NCOA2: variants seen among roughly 807,000 people sequenced by gnomAD.
NCOA2 encodes class E basic helix-loop-helix protein 75.
NCOA2 carries 21 observed loss-of-function variants against 145.1 expected under a neutral mutation model. That is an observed-to-expected ratio of 0.14 (90% CI 0.10 to 0.21). The LOEUF (loss-of-function observed/expected upper bound fraction) is 0.21. Among genes scored for constraint, NCOA2 ranks in the 10% least tolerant of loss-of-function variants. The probability of loss-of-function intolerance (pLI) is 1.00; values close to 1 mark genes in which losing one functional copy is unlikely to be tolerated. For missense variants in NCOA2, 1,472 were observed against 1,837.6 expected, an observed-to-expected ratio of 0.80 and a Z score of 3.64; for synonymous variants, 619 against 637.5, an observed-to-expected ratio of 0.97 and a Z score of 0.44.
At chr8:70,272,979 G>T (rs1316538025) in intron 2 of NCOA2, among the ~76,000 whole-genome samples, 1 of 152,046 alleles carries the variant, frequency 6.6e-6, no homozygotes, top group African/African-American at 2.4e-5. Context: ...ATTATACATT[G>T]TATGTAGCTA....
At chr8:70,426,881 C>T in the NCOA2 span, among the ~76,000 whole-genome samples, 2 of 152,166 alleles carry the variant, frequency 1.3e-5, no homozygotes, top group Admixed American at 6.5e-5. Context: ...TAGCCTCAAC[C>T]TTCCGGGCTC....
At chr8:70,441,106 G>C in the NCOA2 span, among the ~76,000 whole-genome samples, 1 of 101,232 alleles carries the variant, frequency 9.9e-6, no homozygotes, top group South Asian at 3.8e-4. Flanking sequence ...AGAAAGAAGA[G>C]AGAGAAAGAA....
chr8:70,149,004 CAG>C (rs1167823097), intron 11 of NCOA2, among the ~76,000 whole-genome samples: 8 of 151,200 alleles, frequency 5.3e-5, no homozygotes, highest in Non-Finnish European at 7.4e-5. Context: ...TAAAAGAACA[CAG>C]GGGTGGGGAG....
At chr8:70,394,444 C>T (rs1404108810) in intron 1 of NCOA2, among the ~76,000 whole-genome samples, 3 of 152,174 alleles carry the variant, frequency 2.0e-5, no homozygotes, top group East Asian at 1.9e-4. Context: ...CGTGAGTCAC[C>T]GCGCCTGGCC....
rs1188122973 is a variant in NCOA2, at chr8:70,296,762, CAGA to C, written c.-41_-39del. 6.6e-6 allele frequency: 1 copy of C among 152,078 alleles called. No homozygotes were observed. Among genetic ancestry groups the C allele is most frequent in the Non-Finnish European group, 1.5e-5 (1 of 68,000 alleles). The allele number at this position is 152,078 out of a possible 1,614,324, so 9.4% of individuals were successfully genotyped here. ...AACTCACCTGTGCCTGTAAACAGTG[CAGA>C]AGATCTATAAGTGTGTAGCCAAATC... On this transcript the variant is annotated 5_prime_UTR_variant, in exon 2 of 23. Transcript: ENST00000452400.
chr8:70,131,049 T>TCA (rs1295561644), intron 16 of NCOA2, among the ~76,000 whole-genome samples: 1 of 152,224 alleles, frequency 6.6e-6, no homozygotes, highest in Non-Finnish European at 1.5e-5. Flanking sequence ...CTAAATAAGC[T>TCA]CACTAAGATT....
chr8:70,283,288 C>G (rs1826015253), intron 2 of NCOA2, among the ~76,000 whole-genome samples: 1 of 152,206 alleles, frequency 6.6e-6, no homozygotes, highest in African/African-American at 2.4e-5. Context: ...TAAATTGTAT[C>G]ATTTTTTTCC....
At chr8:70,182,641 A>C (rs1815616178) in intron 4 of NCOA2, among the ~76,000 whole-genome samples, 2 of 152,224 alleles carry the variant, frequency 1.3e-5, no homozygotes, top group Non-Finnish European at 2.9e-5. Context: ...CATACATATT[A>C]CTATGTAATA....
chr8:70,281,860 C>G (rs780645905), intron 2 of NCOA2, among the ~76,000 whole-genome samples: 1 of 152,180 alleles, frequency 6.6e-6, no homozygotes, highest in African/African-American at 2.4e-5. Context: ...AGATAAGTTA[C>G]GTTACCCCAC....
the NCOA2 span, among the ~76,000 whole-genome samples, chr8:70,439,783 G>A: frequency 3.3e-5 from 5 of 152,276 alleles, no homozygotes; most frequent in East Asian, 9.7e-4. Flanking sequence ...GAGCCTTCTG[G>A]ATCAAGCCTG....
At chr8:70,361,535 A>C (rs914708633) in intron 1 of NCOA2, among the ~76,000 whole-genome samples, 1 of 152,204 alleles carries the variant, frequency 6.6e-6, no homozygotes, top group Non-Finnish European at 1.5e-5. Flanking sequence ...AACATGTATG[A>C]AATCTTAATT....
intron 1 of NCOA2, among the ~76,000 whole-genome samples, chr8:70,326,484 C>CACA (rs1806598656): frequency 1.3e-5 from 2 of 151,940 alleles, no homozygotes; most frequent in South Asian, 4.1e-4. Context: ...CACACACACA[C>CACA]ACACAGCTGT....
At chr8:70,357,680 G>T (rs1172290446) in intron 1 of NCOA2, among the ~76,000 whole-genome samples, 7 of 152,028 alleles carry the variant, frequency 4.6e-5, no homozygotes, top group African/African-American at 1.4e-4. Flanking sequence ...GGCGGAGCTT[G>T]CAGTGAACCT....
At position 70,289,130 on chromosome 8, in the gene NCOA2, T is replaced by C. The variant is rs73684268; in HGVS notation, c.-20+7614A>G. On this transcript the variant is annotated intron_variant, in intron 2 of 22. Transcript: ENST00000452400. ...TTCAAAATACATGAGTTCAAAACTA[T>C]CTTCTATTTTCATACTCTGTCTTAT... 1.4e-3 allele frequency among the ~76,000 whole-genome samples: 212 copies of C among 152,350 alleles called. 2 individuals are homozygous for C. Among genetic ancestry groups the C allele is most frequent in the African/African-American group, 4.9e-3 (205 of 41,588 alleles).
At chr8:70,294,789 T>C (rs1287858257) in intron 2 of NCOA2, among the ~76,000 whole-genome samples, 1 of 152,218 alleles carries the variant, frequency 6.6e-6, no homozygotes, top group African/African-American at 2.4e-5. Flanking sequence ...ATTTAACCTC[T>C]CTGAGCTTCA....
chr8:70,235,800 C>T (rs1821548729), intron 2 of NCOA2, among the ~76,000 whole-genome samples: 1 of 152,168 alleles, frequency 6.6e-6, no homozygotes, highest in Non-Finnish European at 1.5e-5. Flanking sequence ...ACTATGATCG[C>T]ACCACTATGC....
chr8:70,138,560 T>C (rs1028249704), intron 14 of NCOA2, among the ~76,000 whole-genome samples: 2 of 152,258 alleles, frequency 1.3e-5, no homozygotes, highest in African/African-American at 4.8e-5. Flanking sequence ...ACCTTTAGCA[T>C]TTAAGACTTT....
At chr8:70,232,153 T>C (rs1156748641) in intron 2 of NCOA2, among the ~76,000 whole-genome samples, 1 of 152,164 alleles carries the variant, frequency 6.6e-6, no homozygotes, top group Non-Finnish European at 1.5e-5. Context: ...GCTTTCATAC[T>C]GTCTTCCTCC....
At chr8:70,379,885 T>A (rs943571416) in intron 1 of NCOA2, among the ~76,000 whole-genome samples, 13 of 152,120 alleles carry the variant, frequency 8.5e-5, no homozygotes, top group African/African-American at 3.1e-4. Context: ...CATACAAAAA[T>A]GACGCATGGC....
Sources: gnomAD v4.1 joint callset for allele counts (sites outside exome capture counted in the v4.1 genomes callset) on GRCh38, gnomAD v4.1.1 for gene constraint, MANE v1.5 for transcripts, NCBI Gene and HGNC (gene_info 2026-07-23, HGNC 2026-07-21) for gene names.